The following RAB6A variants were observed in gnomAD, a reference collection of about 807,000 sequenced individuals.
RAB6A encodes ras-related protein Rab-6A.
A neutral mutation model predicts 32.3 loss-of-function variants in RAB6A; 8 were observed. That is an observed-to-expected ratio of 0.25 (90% CI 0.15 to 0.45). The LOEUF (loss-of-function observed/expected upper bound fraction) is 0.45, where lower values mean the gene tolerates loss of function less well. Ranked by LOEUF, RAB6A falls within the 20% of genes least tolerant of loss-of-function variation. The probability of loss-of-function intolerance (pLI) is 1.00; values close to 1 mark genes in which losing one functional copy is unlikely to be tolerated. For missense variants in RAB6A, 104 were observed against 249.4 expected (o/e 0.42, Z 3.93); for synonymous variants, 73 against 82.1 (o/e 0.89, Z 0.60).
intron 6 of RAB6A, among the ~76,000 whole-genome samples, chr11:73,701,853 C>T (rs1945750912): frequency 6.6e-6 from 1 of 152,030 alleles, no homozygotes; most frequent in Admixed American, 6.6e-5. Flanking sequence ...GTTGCCCAAG[C>T]AGGTCTCAAT....
At chr11:73,691,642 A>G (rs556844783) in intron 6 of RAB6A, among the ~76,000 whole-genome samples, 3 of 152,328 alleles carry the variant, frequency 2.0e-5, no homozygotes, top group African/African-American at 7.2e-5. Flanking sequence ...TAAAACAATA[A>G]TTAAGGGGTG....
intron 6 of RAB6A, among the ~76,000 whole-genome samples, chr11:73,691,030 G>A (rs1284757435): frequency 6.6e-6 from 1 of 151,856 alleles, no homozygotes; most frequent in Non-Finnish European, 1.5e-5. Flanking sequence ...GGGGTGGGGG[G>A]GCGATGCTGG....
At chr11:73,718,267 T>G (rs1310830295) in intron 4 of RAB6A, among the ~76,000 whole-genome samples, 1 of 152,150 alleles carries the variant, frequency 6.6e-6, no homozygotes, top group East Asian at 1.9e-4. Context: ...GCAAGAGACT[T>G]AAATGCAGAT....
intron 6 of RAB6A, among the ~76,000 whole-genome samples, chr11:73,689,895 C>CAAAAAAA (rs5792626): frequency 1.6e-5 from 1 of 60,962 alleles, no homozygotes; most frequent in Non-Finnish European, 3.4e-5. Context: ...GACTCCGTCT[C>CAAAAAAA]AAAAAAAAAA....
At chr11:73,686,737 A>C in intron 6 of RAB6A, among the ~76,000 whole-genome samples, 1 of 152,184 alleles carries the variant, frequency 6.6e-6, no homozygotes, top group East Asian at 1.9e-4. Context: ...TTTAGTGAAA[A>C]GTACATAACT....
At chr11:73,707,327 T>C in intron 6 of RAB6A, 93 bp downstream of exon 6, 1 of 846,812 alleles carries the variant, frequency 1.2e-6, no homozygotes, top group South Asian at 1.7e-5. Flanking sequence ...AGGCCTGCTC[T>C]TGCCAGGTGG....
intron 4 of RAB6A, 73 bp downstream of exon 4, chr11:73,718,540 C>A (rs116862502): frequency 0.02 from 25,320 of 1,265,384 alleles, 328 homozygotes; most frequent in Non-Finnish European, 0.025. Context: ...AAAACAAGCA[C>A]AAGACAAGAA....
intron 1 of RAB6A, among the ~76,000 whole-genome samples, chr11:73,731,621 T>A (rs1946302411): frequency 6.8e-6 from 1 of 147,730 alleles, no homozygotes; most frequent in Admixed American, 6.8e-5. Flanking sequence ...TCTCTACTTC[T>A]CTGGCAAAGA....
intron 1 of RAB6A, among the ~76,000 whole-genome samples, chr11:73,757,794 G>C (rs1946784115): frequency 6.6e-6 from 1 of 152,124 alleles, no homozygotes; most frequent in African/African-American, 2.4e-5. Context: ...CCATGTCAAA[G>C]AGTGTAACAT....
chr11:73,694,512 G>T lies in RAB6A; in HGVS notation c.495+12908C>A, dbSNP rs2134891697. On this transcript the variant is annotated intron_variant, in intron 6 of 7. Coordinates refer to ENST00000336083, the MANE Select transcript of RAB6A (RefSeq NM_198896.2). Reference sequence around the variant, plus strand: ...AACAGCTAATAATCTTGGGTAAGAAGAATTTGTTTTGTAAAATACTAGTAC... The same window carrying T: ...AACAGCTAATAATCTTGGGTAAGAATAATTTGTTTTGTAAAATACTAGTAC... 1.3e-5 allele frequency among the ~76,000 whole-genome samples: 2 copies of T among 152,306 alleles called. 1 individual carries two copies. The highest frequency in any genetic ancestry group is 6.8e-3 in the Middle Eastern group (2 of 294).
chr11:73,687,980 T>C (rs926171358), intron 6 of RAB6A, among the ~76,000 whole-genome samples: 4 of 152,228 alleles, frequency 2.6e-5, no homozygotes, highest in African/African-American at 9.6e-5. Context: ...ACAGAAGAGA[T>C]AGTGTCTTTC....
intron 5 of RAB6A, among the ~76,000 whole-genome samples, chr11:73,709,938 C>G (rs1244498900): frequency 3.4e-5 from 1 of 29,162 alleles, no homozygotes; most frequent in African/African-American, 7.9e-5. Flanking sequence ...TATATACATA[C>G]ACACACACAC....
intron 1 of RAB6A, among the ~76,000 whole-genome samples, chr11:73,731,676 G>C (rs938158078): frequency 4.0e-5 from 5 of 125,942 alleles, no homozygotes; most frequent in Non-Finnish European, 8.2e-5. Context: ...GAGATAGATA[G>C]ATAGATATTA....
intron 7 of RAB6A, among the ~76,000 whole-genome samples, chr11:73,679,031 T>C (rs899047524): frequency 6.6e-6 from 1 of 152,186 alleles, no homozygotes. Context: ...CGGCCTGTTT[T>C]ATGTTTTTTA....
intron 2 of RAB6A, among the ~76,000 whole-genome samples, chr11:73,724,491 T>G (rs1247152047): frequency 2.7e-5 from 4 of 149,670 alleles, no homozygotes; most frequent in Admixed American, 1.3e-4. Context: ...TTCGTTTTTT[T>G]TTTTTTTTTT....
intron 1 of RAB6A, among the ~76,000 whole-genome samples, chr11:73,752,082 C>G (rs1405740860): frequency 6.6e-6 from 1 of 152,030 alleles, no homozygotes; most frequent in Non-Finnish European, 1.5e-5. Flanking sequence ...TTTACAAAAA[C>G]TAAATATGCA....
At chr11:73,748,489 G>A (rs1946626102) in intron 1 of RAB6A, among the ~76,000 whole-genome samples, 2 of 152,146 alleles carry the variant, frequency 1.3e-5, no homozygotes. Flanking sequence ...TCCAGCCTAG[G>A]TGACAGAGTG....
chr11:73,744,547 A>G (rs1946554080), intron 1 of RAB6A, among the ~76,000 whole-genome samples: 1 of 117,900 alleles, frequency 8.5e-6, no homozygotes, highest in African/African-American at 3.1e-5. Context: ...AAAAAAAAAA[A>G]GAATTTTAGA....
rs1945610053 is a variant in RAB6A at position 73,693,553 on chromosome 11, C to A, written c.496-13833G>T. Among the ~76,000 whole-genome samples, 4 of 145,748 alleles carry A rather than the reference C, an allele frequency of 2.7e-5. No individual in the cohort carries two copies. The East Asian group carries it at 8.1e-4, about 29-fold the overall frequency. On this transcript the variant is annotated intron_variant, in intron 6 of 7. Coordinates refer to ENST00000336083, the MANE Select transcript of RAB6A (RefSeq NM_198896.2). ...CAGCCTGGGCAACATAGCAAGACTC[C>A]ATCTTTTTTTTTTTTTTTTTTTTTT...
Sources: gnomAD v4.1 joint callset for allele counts (sites outside exome capture counted in the v4.1 genomes callset) on GRCh38, gnomAD v4.1.1 for gene constraint, MANE v1.5 for transcripts, NCBI Gene and HGNC (gene_info 2026-07-23, HGNC 2026-07-21) for gene names.